The following PALD1 variants were observed in gnomAD, a reference collection of about 807,000 sequenced individuals.
The protein encoded by PALD1 is paladin.
In PALD1, 57 loss-of-function variants were observed where a neutral mutation model predicts 96.0. The ratio of observed to expected loss-of-function variants is 0.59; its 90% CI spans 0.48 to 0.74. PALD1 has a LOEUF of 0.74. Ranked by LOEUF, PALD1 falls within the 30% of genes least tolerant of loss-of-function variation. PALD1 has a pLI of 0.00. For missense variants in PALD1, 1,063 were observed against 1,143.7 expected, an observed-to-expected ratio of 0.93 and a Z score of 1.02; for synonymous variants, 464 against 473.6, an observed-to-expected ratio of 0.98 and a Z score of 0.26.
chr10:70,468,631 G>A, the PALD1 span, among the ~76,000 whole-genome samples: 1 of 151,890 alleles, frequency 6.6e-6, no homozygotes, highest in African/African-American at 2.4e-5. Flanking sequence ...AGGAGCCCCT[G>A]CCCAGGACTT....
Position 70,538,951 on chromosome 10 carries a change from C to T in PALD1, c.1512C>T (p.Ala504=). The T allele has an allele frequency of 1.2e-6, 2 of 1,613,852 alleles. No individual in the cohort carries two copies. The highest frequency in any genetic ancestry group is 1.7e-6 in the Non-Finnish European group (2 of 1,179,996). Residue 504 remains alanine (A), a synonymous_variant, in exon 13 of 20, where the codon GCC becomes GCT. Coordinates refer to ENST00000263563, the MANE Select transcript of PALD1 (RefSeq NM_014431.3). ...ALSTVREMDV[A]NFRRVPRMPI... is the part of the protein sequence containing the mutation. ...GCACTGTCAGAGAGATGGATGTGGC[C>T]AACTTCCGGCGGGTGCCCCGCATGC...
intron 1 of PALD1, among the ~76,000 whole-genome samples, chr10:70,492,530 C>T (rs1188905821): frequency 7.2e-6 from 1 of 138,644 alleles, no homozygotes; most frequent in African/African-American, 2.7e-5. Context: ...AATCTTGGCT[C>T]ACTGCAGTCT....
At chr10:70,560,944 G>T (rs989680329) in intron 18 of PALD1, among the ~76,000 whole-genome samples, 8 of 145,366 alleles carry the variant, frequency 5.5e-5, no homozygotes, top group Non-Finnish European at 1.5e-5. Flanking sequence ...TAACATGGGG[G>T]ACGGTGTTAA....
upstream of PALD1, among the ~76,000 whole-genome samples, chr10:70,477,508 G>C (rs1845844529): frequency 6.6e-6 from 1 of 152,174 alleles, no homozygotes; most frequent in Non-Finnish European, 1.5e-5. Flanking sequence ...GGTGGCGCAG[G>C]AGCAGGTATG....
intron 1 of PALD1, among the ~76,000 whole-genome samples, chr10:70,520,470 A>C (rs1255311713): frequency 6.6e-6 from 1 of 152,224 alleles, no homozygotes; most frequent in Non-Finnish European, 1.5e-5. Flanking sequence ...CCCAGGGCCC[A>C]GAATGGGCAT....
rs572329463 is a variant in PALD1, at chr10:70,488,583, G to A, written c.-30+9524G>A. On this transcript the variant is annotated intron_variant, in intron 1 of 19. Coordinates refer to ENST00000263563, the MANE Select transcript of PALD1 (RefSeq NM_014431.3). ...TTTCTGTACCTCTACATGAATTTGT[G>A]TGGTTTTTTATTTTTGGGGTGTAAA... 4.0e-4 allele frequency among the ~76,000 whole-genome samples: 61 copies of A among 152,276 alleles called. No individual in the cohort carries two copies. In the Middle Eastern group the frequency reaches 0.014, roughly 34 times the overall value.
chr10:70,561,730 T>A (rs1484879100), intron 18 of PALD1, among the ~76,000 whole-genome samples: 3 of 151,816 alleles, frequency 2.0e-5, no homozygotes, highest in Non-Finnish European at 4.4e-5. Flanking sequence ...CCTTTACCCC[T>A]CCCCTACCGC....
In PALD1 at chr10:70,529,943, G is replaced by A. The variant is rs144883248; in HGVS notation, c.343G>A (p.Val115Met). The change falls in exon 4 of 20, where the codon GTG (valine) becomes ATG (methionine). Residue 115 changes from valine (V) to methionine (M), a missense_variant. Val to Met is a conservative substitution (Grantham distance 21). Coordinates refer to ENST00000263563, the MANE Select transcript of PALD1 (RefSeq NM_014431.3). ...VTEKMDVLGTVGSCGAPNFRQ... is the reference protein window; with the variant it reads ...VTEKMDVLGTMGSCGAPNFRQ... ...TGAGAAGATGGATGTGCTGGGCACC[G>A]TGGGAAGCTGTGGGGCCCCCAACTT... is the stretch of plus-strand genomic sequence containing the variant. 546 of 1,613,776 alleles carry A rather than the reference G, an allele frequency of 3.4e-4. 2 individuals are homozygous for A. The African/African-American group carries it at 6.6e-3, about 20-fold the overall frequency.
At chr10:70,472,129 C>T in the PALD1 span, among the ~76,000 whole-genome samples, 607 of 152,270 alleles carry the variant, frequency 4.0e-3, 11 homozygotes, top group African/African-American at 0.014. Flanking sequence ...GCCTGGCCTC[C>T]GTAGATCCCT....
the PALD1 span, among the ~76,000 whole-genome samples, chr10:70,471,055 C>G: frequency 2.0e-5 from 3 of 152,070 alleles, no homozygotes; most frequent in African/African-American, 7.2e-5. Flanking sequence ...CCTGACCTCC[C>G]TCATGATCCT....
chr10:70,562,493 G>A (rs574588861), intron 18 of PALD1, among the ~76,000 whole-genome samples: 67 of 152,336 alleles, frequency 4.4e-4, no homozygotes, highest in African/African-American at 1.5e-3. Context: ...AGGAGGAGAT[G>A]CATGTAGGCT....
intron 12 of PALD1, 22 bp from the exon 13 acceptor site, chr10:70,538,870 A>G (rs1205993883): frequency 1.3e-6 from 2 of 1,596,644 alleles, no homozygotes; most frequent in African/African-American, 2.7e-5. Context: ...TGTGGGTCCC[A>G]GGCTTGGTGC....
chr10:70,555,220 G>T (rs1484497833), intron 18 of PALD1, among the ~76,000 whole-genome samples: 1 of 150,622 alleles, frequency 6.6e-6, no homozygotes. Context: ...AGTGATCCAC[G>T]AGCCTCGGCC....
intron 19 of PALD1, among the ~76,000 whole-genome samples, chr10:70,565,769 C>T (rs916598927): frequency 3.3e-5 from 5 of 152,098 alleles, no homozygotes; most frequent in South Asian, 2.1e-4. Context: ...GCTTCCTCTG[C>T]GAGCCCCTGG....
chr10:70,545,314 T>C (rs1241814119), intron 17 of PALD1, among the ~76,000 whole-genome samples: 1 of 152,046 alleles, frequency 6.6e-6, no homozygotes, highest in East Asian at 1.9e-4. Context: ...CCGGGGATTA[T>C]ACAACATGGG....
At chr10:70,490,214 C>G (rs537149768) in intron 1 of PALD1, among the ~76,000 whole-genome samples, 1 of 151,798 alleles carries the variant, frequency 6.6e-6, no homozygotes, top group Non-Finnish European at 1.5e-5. Flanking sequence ...TGAGCCACCA[C>G]GCCTGGCCCT....
intron 17 of PALD1, among the ~76,000 whole-genome samples, chr10:70,544,998 C>T (rs1363803101): frequency 3.3e-5 from 5 of 152,172 alleles, no homozygotes; most frequent in Admixed American, 6.5e-5. Flanking sequence ...GAGAAGAGAG[C>T]GAGTTAGGTG....
chr10:70,536,929 C>T (rs1420587215), intron 10 of PALD1, among the ~76,000 whole-genome samples: 3 of 152,180 alleles, frequency 2.0e-5, no homozygotes, highest in Non-Finnish European at 4.4e-5. Context: ...GGAAGCTGGG[C>T]TGGGGTCAGG....
At chr10:70,509,815 G>A (rs1477968880) in intron 1 of PALD1, among the ~76,000 whole-genome samples, 1 of 152,194 alleles carries the variant, frequency 6.6e-6, no homozygotes, top group Non-Finnish European at 1.5e-5. Flanking sequence ...AGGAAGCGCT[G>A]CAGCTTCTTC....
Sources: allele counts gnomAD v4.1 joint callset (sites outside exome capture counted in the v4.1 genomes callset), GRCh38; gene constraint gnomAD v4.1.1; transcripts MANE v1.5; gene names NCBI Gene and HGNC (gene_info 2026-07-23, HGNC 2026-07-21).